MTMR10: variants seen among roughly 807,000 people sequenced by gnomAD.
MTMR10 encodes myotubularin-related protein 10.
A neutral mutation model predicts 88.1 loss-of-function variants in MTMR10; 56 were observed. The ratio of observed to expected loss-of-function variants is 0.64; its 90% CI spans 0.51 to 0.79. The LOEUF (loss-of-function observed/expected upper bound fraction) is 0.79, where lower values mean the gene tolerates loss of function less well. Among genes scored for constraint, MTMR10 ranks in the 30% least tolerant of loss-of-function variants. The pLI is 0.00. For synonymous variants in MTMR10, 380 were observed against 340.9 expected (o/e 1.11, Z -1.26); for missense variants, 883 against 924.7 (o/e 0.95, Z 0.58).
chr15:30,989,257 G>A (rs545917830), intron 2 of MTMR10, among the ~76,000 whole-genome samples: 9 of 151,990 alleles, frequency 5.9e-5, no homozygotes, highest in African/African-American at 1.7e-4. Context: ...AGGGAGCAAG[G>A]GTTACTTAGT....
the MTMR10 span, chr15:30,925,228 C>T: frequency 2.7e-5 from 43 of 1,613,986 alleles, no homozygotes; most frequent in Non-Finnish European, 3.6e-5. Flanking sequence ...AGTCTCCGAG[C>T]TGTAAAAAGT....
intron 12 of MTMR10, among the ~76,000 whole-genome samples, chr15:30,950,734 GAGTA>G (rs1220336554): frequency 6.6e-6 from 1 of 151,976 alleles, no homozygotes; most frequent in Non-Finnish European, 1.5e-5. Flanking sequence ...TATGCAACAT[GAGTA>G]TATAGTCTTC....
the MTMR10 span, chr15:30,929,468 C>T: frequency 8.2e-7 from 1 of 1,221,758 alleles, no homozygotes; most frequent in South Asian, 1.5e-5. Flanking sequence ...TTTTCAGCAA[C>T]TTTATCAAAA....
intron 3 of MTMR10, among the ~76,000 whole-genome samples, chr15:30,976,527 G>A (rs563249773): frequency 6.6e-6 from 1 of 152,186 alleles, no homozygotes; most frequent in Admixed American, 6.5e-5. Context: ...TTTATAAGCA[G>A]GTTAAAAGAT....
downstream of MTMR10, chr15:30,937,182 C>G: frequency 6.2e-7 from 1 of 1,614,112 alleles, no homozygotes; most frequent in Non-Finnish European, 8.5e-7. Context: ...GCTGGCTGAA[C>G]TGCAGAAGCT....
chr15:30,932,078 C>T, the MTMR10 span, among the ~76,000 whole-genome samples: 16 of 151,694 alleles, frequency 1.1e-4, no homozygotes, highest in Admixed American at 3.3e-4. Flanking sequence ...AAAAATTAGC[C>T]GGGTGTGGTG....
chr15:30,952,730 G>A (rs533096197), intron 11 of MTMR10, among the ~76,000 whole-genome samples: 4 of 152,024 alleles, frequency 2.6e-5, no homozygotes, highest in Non-Finnish European at 5.9e-5. Flanking sequence ...CTGGCCTCAA[G>A]TGATCTTCCT....
intron 2 of MTMR10, among the ~76,000 whole-genome samples, chr15:30,989,668 C>T (rs994811195): frequency 9.2e-5 from 14 of 151,758 alleles, no homozygotes; most frequent in African/African-American, 3.4e-4. Flanking sequence ...CTGCAAGCTC[C>T]GCCTCCCGAG....
Position 30,941,945 on chromosome 15 carries a change from G to A in MTMR10, c.1859C>T (p.Thr620Ile), listed in dbSNP as rs1279192372. The change falls in exon 16 of 16, where the codon ACC (threonine) becomes ATC (isoleucine). Residue 620 changes from threonine (T) to isoleucine (I), a missense_variant. This residue lies in a region of MTMR10 where 343 missense variants were observed against 323.2 expected (regional missense o/e 1.06). Transcript: ENST00000435680. Reference sequence around the variant, plus strand: ...CTCCGTATCACTGTTCTGGCTGTCGGTTTGCTGAGCTGGATCTGGCTTTGG... The same window carrying A: ...CTCCGTATCACTGTTCTGGCTGTCGATTTGCTGAGCTGGATCTGGCTTTGG... ...LKPKPDPAQQ[T>I]DSQNSDTEQY... 1.2e-6 allele frequency: 2 copies of A among 1,614,068 alleles called. No homozygotes were observed. The highest frequency in any genetic ancestry group is 1.7e-5 in the Admixed American group (1 of 60,028).
chr15:30,935,991 A>T (rs761345780), downstream of MTMR10, among the ~76,000 whole-genome samples: 47 of 152,092 alleles, frequency 3.1e-4, no homozygotes, highest in Admixed American at 5.2e-4. Context: ...TCAAATTTGG[A>T]AAATTTTTGG....
Position 30,941,701 on chromosome 15 carries a change from A to G in MTMR10, c.2103T>C (p.Ser701=), listed in dbSNP as rs1333774748. 3 of 1,613,778 alleles carry G rather than the reference A, an allele frequency of 1.9e-6. No individual in the cohort carries two copies. Among genetic ancestry groups the G allele is most frequent in the African/African-American group, 1.3e-5 (1 of 74,924 alleles). The change falls in exon 16 of 16, where the codon AGT becomes AGC. Residue 701 remains serine (S), a synonymous_variant. Coordinates refer to ENST00000435680, the MANE Select transcript of MTMR10 (RefSeq NM_017762.3). ...CCCCATAGCAGGCCTCCAGGGGGCC[A>G]CTGCGCTGTTGCCGCAGCATCCTGC... The part of the protein sequence containing the change: ...VLSRMLRQQR[S]GPLEACYGEL...
intron 11 of MTMR10, 59 bp downstream of exon 11, chr15:30,953,503 G>A (rs926909203): frequency 4.6e-6 from 6 of 1,304,048 alleles, no homozygotes; most frequent in Middle Eastern, 1.8e-4. Flanking sequence ...TACCTCCAGT[G>A]AGTCTGTAGT....
intron 2 of MTMR10, among the ~76,000 whole-genome samples, chr15:30,987,680 CTTTT>C (rs67815309): frequency 0.2 from 29,481 of 148,834 alleles, 3,839 homozygotes; most frequent in Non-Finnish European, 0.29. Context: ...ACAATTAATT[CTTTT>C]TTTTTTTATT....
the MTMR10 span, among the ~76,000 whole-genome samples, chr15:30,920,365 A>G: frequency 6.6e-6 from 1 of 152,232 alleles, no homozygotes; most frequent in African/African-American, 2.4e-5. Flanking sequence ...TGAGTGACCT[A>G]GGACGTGGTA....
intron 9 of MTMR10, among the ~76,000 whole-genome samples, chr15:30,957,481 G>A (rs1266498325): frequency 6.6e-6 from 1 of 152,186 alleles, no homozygotes; most frequent in East Asian, 1.9e-4. Flanking sequence ...CCAGCACTTC[G>A]GTAGGCCGAG....
Position 30,940,112 on chromosome 15 carries a change from T to C in MTMR10, c.*1358A>G, listed in dbSNP as rs2062988853. ...GACACTTTACTATAAAAATTTTCCATATCTTAGGATGGCAGTTTAAGAAAC... is the reference window on the plus strand; with the variant it reads ...GACACTTTACTATAAAAATTTTCCACATCTTAGGATGGCAGTTTAAGAAAC... On this transcript the variant is annotated 3_prime_UTR_variant, in exon 16 of 16. Transcript: ENST00000435680. The C allele has an allele frequency of 1.0e-6, 1 of 985,346 alleles. No homozygotes were observed. Among genetic ancestry groups the C allele is most frequent in the South Asian group, 4.7e-5 (1 of 21,288 alleles). 61.0% of individuals were successfully genotyped at this position (985,346 alleles called of 1,614,324 possible).
At chr15:30,931,561 T>A in the MTMR10 span, among the ~76,000 whole-genome samples, 1 of 152,186 alleles carries the variant, frequency 6.6e-6, no homozygotes, top group Admixed American at 6.5e-5. Context: ...GTTTTAGGTT[T>A]TACATTCAGT....
intron 14 of MTMR10, chr15:30,946,827 A>G (rs1416266146): frequency 1.5e-6 from 1 of 684,576 alleles, no homozygotes; most frequent in Non-Finnish European, 2.6e-6. Flanking sequence ...TTACTACCCA[A>G]TAGCCCAAAT....
the MTMR10 span, among the ~76,000 whole-genome samples, chr15:30,933,654 G>A: frequency 6.6e-6 from 1 of 151,800 alleles, no homozygotes; most frequent in African/African-American, 2.4e-5. Flanking sequence ...TGATAGTGTT[G>A]TTTAAGTTGT....
Sources: allele counts gnomAD v4.1 joint callset (sites outside exome capture counted in the v4.1 genomes callset), GRCh38; gene constraint gnomAD v4.1.1; regional missense constraint gnomAD v4.1.1; transcripts MANE v1.5; gene names NCBI Gene and HGNC (gene_info 2026-07-23, HGNC 2026-07-21).